Variants in ALDOB observed in about 807,000 individuals in gnomAD.
ALDOB encodes the protein fructose-bisphosphate aldolase B.
In ALDOB, 39 loss-of-function variants were observed where a neutral mutation model predicts 41.0. The observed-to-expected ratio is 0.95, with a 90% CI of 0.74 to 1.24. ALDOB has a LOEUF of 1.24. Ranked by LOEUF, ALDOB falls within the 50% of genes most tolerant of loss-of-function variation. The probability of loss-of-function intolerance (pLI) is 0.00; values close to 1 mark genes in which losing one functional copy is unlikely to be tolerated. For synonymous variants in ALDOB, 175 were observed against 168.8 expected, an observed-to-expected ratio of 1.04 and a Z score of -0.28; for missense variants, 530 against 457.3, an observed-to-expected ratio of 1.16 and a Z score of -1.45.
intron 6 of ALDOB, among the ~76,000 whole-genome samples, chr9:101,426,162 C>G (rs996738517): frequency 1.3e-5 from 2 of 152,316 alleles, no homozygotes; most frequent in East Asian, 3.9e-4. Flanking sequence ...CACCCTCTTT[C>G]AGATCCACTG....
At chr9:101,425,322 G>C in intron 7 of ALDOB, 131 bp downstream of exon 7, 1 of 1,124,672 alleles carries the variant, frequency 8.9e-7, no homozygotes, top group Non-Finnish European at 1.3e-6. Flanking sequence ...GGGAGAAGAA[G>C]TGCTGGCTGC....
chr9:101,428,602 TC>T, intron 3 of ALDOB, 79 bp from the exon 4 acceptor site: 1 of 1,205,656 alleles, frequency 8.3e-7, no homozygotes, highest in Non-Finnish European at 1.2e-6. Context: ...ACAGTTTGCA[TC>T]TTTTACAGAT....
rs118168553 is a variant in ALDOB at position 101,429,747 on chromosome 9, G to C, written c.324+8C>G. On this transcript the variant is annotated splice_region_variant and intron_variant, in intron 3 of 8. Coordinates refer to ENST00000647789, the MANE Select transcript of ALDOB (RefSeq NM_000035.4). ...AAGCAGAAGTGAGGTGTGAATGGAG[G>C]TGTTCACCTTGATTCCCACCACGAT... 1.3e-3 allele frequency: 2,176 copies of C among 1,613,526 alleles called. 38 individuals carry two copies. In the East Asian group the frequency reaches 0.036, roughly 27 times the overall value.
chr9:101,430,952 G>T, intron 1 of ALDOB, 55 bp from the exon 2 acceptor site: 2 of 1,225,186 alleles, frequency 1.6e-6, no homozygotes, highest in Non-Finnish European at 2.4e-6. Flanking sequence ...TCAGATGGAT[G>T]CATGACCAAG....
chr9:101,425,919 C>T (rs1424067430), intron 6 of ALDOB, among the ~76,000 whole-genome samples: 3 of 152,186 alleles, frequency 2.0e-5, no homozygotes, highest in Non-Finnish European at 4.4e-5. Flanking sequence ...ATTTCCATTA[C>T]TCCCTTGGTC....
intron 1 of ALDOB, among the ~76,000 whole-genome samples, chr9:101,433,203 T>G (rs915649355): frequency 6.6e-6 from 1 of 152,236 alleles, no homozygotes; most frequent in African/African-American, 2.4e-5. Context: ...TAAAATGCAA[T>G]GTATTACTAA....
At chr9:101,435,101 A>T (rs371846470) in intron 1 of ALDOB, among the ~76,000 whole-genome samples, 1 of 152,212 alleles carries the variant, frequency 6.6e-6, no homozygotes, top group South Asian at 2.1e-4. Flanking sequence ...AAAGTGTCAA[A>T]CATGAAGGGT....
chr9:101,429,661 AG>A (rs1294040800), intron 3 of ALDOB, 93 bp downstream of exon 3: 1 of 1,139,470 alleles, frequency 8.8e-7, no homozygotes. Flanking sequence ...AAATTTGATG[AG>A]GAGAATGTTC....
At position 101,421,127 on chromosome 9, in the gene ALDOB, T is replaced by C. The variant is rs984398166; in HGVS notation, c.*682A>G. 6 of 152,908 alleles carry C rather than the reference T, an allele frequency of 3.9e-5. No homozygotes were observed. Among genetic ancestry groups the C allele is most frequent in the African/African-American group, 1.4e-4 (6 of 41,460 alleles). 9.5% of individuals were successfully genotyped at this position (152,908 alleles called of 1,614,324 possible). A position where few individuals can be genotyped will look rare whatever the true frequency, so the allele number is the denominator to read the frequency against. On this transcript the variant is annotated 3_prime_UTR_variant, in exon 9 of 9. Coordinates refer to ENST00000647789, the MANE Select transcript of ALDOB (RefSeq NM_000035.4). ...GGTAGTTCTCAAACTTGACTGTACA[T>C]TGGAATTACTGAGGGAGCTTTAAGA...
chr9:101,432,969 C>A (rs967320451), intron 1 of ALDOB, among the ~76,000 whole-genome samples: 7 of 152,182 alleles, frequency 4.6e-5, no homozygotes, highest in Admixed American at 3.9e-4. Context: ...TCAGACAGAC[C>A]TAGTTTTAAG....
In ALDOB at chr9:101,430,045, C is replaced by A. The variant is rs1481144009; in HGVS notation, c.113-79G>T. 6 of 1,230,870 alleles carry A rather than the reference C, an allele frequency of 4.9e-6. No individual in the cohort carries two copies. The African/African-American group carries it at 5.9e-5, about 12-fold the overall frequency. 76.2% of individuals were successfully genotyped at this position (1,230,870 alleles called of 1,614,324 possible). A position where few individuals can be genotyped will look rare whatever the true frequency, so the allele number is the denominator to read the frequency against. On this transcript the variant is annotated intron_variant, in intron 2 of 8. Transcript: ENST00000647789. Reference sequence around the variant, plus strand: ...ACCCTTCTCCACATCATCTCAGAGACCCTCACCACAGTGGAAAGCAAGACT... The same window carrying A: ...ACCCTTCTCCACATCATCTCAGAGAACCTCACCACAGTGGAAAGCAAGACT...
rs1198906346 is a variant in ALDOB, at chr9:101,430,805, T to G, written c.83A>C (p.Lys28Thr). The change falls in exon 2 of 9, where the codon AAG becomes ACG. Residue 28 changes from lysine to threonine, a missense_variant. By Grantham distance (78) the Lys-to-Thr change is moderately conservative (BLOSUM62 -1). Transcript: ENST00000647789. ...EIAQSIVANG[K>T]GILAADESVG... is the part of the protein sequence containing the mutation. ...AGATTCATCTGCAGCCAGGATCCCCTTTCCATTGGCAACAATGCTCTGGGC... is the reference window on the plus strand; with the variant it reads ...AGATTCATCTGCAGCCAGGATCCCCGTTCCATTGGCAACAATGCTCTGGGC... 4 of 1,613,960 alleles carry G rather than the reference T, an allele frequency of 2.5e-6. No homozygotes were observed. The highest frequency in any genetic ancestry group is 3.4e-6 in the Non-Finnish European group (4 of 1,179,912).
intron 1 of ALDOB, among the ~76,000 whole-genome samples, chr9:101,434,396 C>T (rs1051747808): frequency 8.5e-5 from 13 of 152,182 alleles, no homozygotes; most frequent in African/African-American, 3.1e-4. Flanking sequence ...TTCTTTCTGC[C>T]TTCCTTGAAG....
At chr9:101,424,746 A>G in intron 8 of ALDOB, 97 bp downstream of exon 8, 2 of 1,422,950 alleles carry the variant, frequency 1.4e-6, no homozygotes, top group Non-Finnish European at 2.0e-6. Flanking sequence ...ATCGGTAGAT[A>G]CCTTCTTGGC....
At chr9:101,426,504 T>C (rs1348752401) in intron 6 of ALDOB, 51 bp downstream of exon 6, 1 of 1,226,782 alleles carries the variant, frequency 8.2e-7, no homozygotes, top group Non-Finnish European at 1.2e-6. Context: ...AGCTGTTACC[T>C]AAAACTAAGA....
chr9:101,428,092 T>C (rs1285660795), intron 4 of ALDOB, among the ~76,000 whole-genome samples: 4 of 152,186 alleles, frequency 2.6e-5, no homozygotes, highest in African/African-American at 9.7e-5. Context: ...CAAACCCAGG[T>C]GTGTCTGACC....
chr9:101,423,567 C>T (rs553756834), intron 8 of ALDOB, among the ~76,000 whole-genome samples: 55 of 152,298 alleles, frequency 3.6e-4, no homozygotes, highest in African/African-American at 1.3e-3. Context: ...AGCAGATACC[C>T]TCAACTGTAA....
intron 7 of ALDOB, 31 bp downstream of exon 7, chr9:101,425,422 A>T: frequency 6.2e-7 from 1 of 1,612,080 alleles, no homozygotes. Context: ...GAGGGCTAAG[A>T]CCTTGAGTTA....
intron 8 of ALDOB, 38 bp downstream of exon 8, chr9:101,424,805 G>A (rs1831098049): frequency 6.2e-7 from 1 of 1,608,664 alleles, no homozygotes; most frequent in African/African-American, 1.3e-5. Context: ...CCCCAAATGT[G>A]AACATCATCA....
Sources: allele counts gnomAD v4.1 joint callset (sites outside exome capture counted in the v4.1 genomes callset), GRCh38; gene constraint gnomAD v4.1.1; transcripts MANE v1.5; gene names NCBI Gene and HGNC (gene_info 2026-07-23, HGNC 2026-07-21).